The following B3GALT1 variants were observed in gnomAD, a reference collection of about 807,000 sequenced individuals.
B3GALT1 encodes beta-1,3-galactosyltransferase 1.
In B3GALT1, 10 loss-of-function variants were observed where a neutral mutation model predicts 23.2. The observed-to-expected ratio is 0.43, with a 90% CI of 0.27 to 0.73. The LOEUF (loss-of-function observed/expected upper bound fraction) is 0.73, where lower values mean the gene tolerates loss of function less well. Ranked by LOEUF, B3GALT1 falls within the 30% of genes least tolerant of loss-of-function variation. The probability of loss-of-function intolerance (pLI) is 0.21; values close to 1 mark genes in which losing one functional copy is unlikely to be tolerated. For missense variants in B3GALT1, 299 were observed against 405.4 expected, an observed-to-expected ratio of 0.74 and a Z score of 2.25; for synonymous variants, 156 against 141.5, an observed-to-expected ratio of 1.10 and a Z score of -0.73.
intron 1 of B3GALT1, among the ~76,000 whole-genome samples, chr2:167,421,809 A>G (rs1698550122): frequency 6.6e-6 from 1 of 152,252 alleles, no homozygotes; most frequent in South Asian, 2.1e-4. Flanking sequence ...AAATAAAAAC[A>G]GCTTGACCAT....
At chr2:167,772,186 G>A (rs1306036550) in intron 3 of B3GALT1, among the ~76,000 whole-genome samples, 1 of 152,140 alleles carries the variant, frequency 6.6e-6, no homozygotes, top group Non-Finnish European at 1.5e-5. Context: ...AAATTAGTTA[G>A]CACAGAAGCA....
intron 2 of B3GALT1, among the ~76,000 whole-genome samples, chr2:167,588,170 A>G (rs147022433): frequency 2.0e-5 from 3 of 152,318 alleles, no homozygotes; most frequent in South Asian, 2.1e-4. Context: ...GCTCAGGACT[A>G]TGCCTTTTAT....
chr2:167,651,264 G>T (rs1038383436), intron 3 of B3GALT1, among the ~76,000 whole-genome samples: 4 of 11,028 alleles, frequency 3.6e-4, no homozygotes, highest in African/African-American at 4.9e-4. Context: ...GTGTGTGTGT[G>T]TGTGTGTGCG....
chr2:167,458,390 G>A (rs544313492), intron 1 of B3GALT1, among the ~76,000 whole-genome samples: 1 of 152,274 alleles, frequency 6.6e-6, no homozygotes, highest in South Asian at 2.1e-4. Flanking sequence ...CTATGTTTTA[G>A]CTATTGTGAA....
intron 2 of B3GALT1, among the ~76,000 whole-genome samples, chr2:167,525,027 T>C (rs750923540): frequency 2.0e-5 from 3 of 152,234 alleles, no homozygotes; most frequent in Non-Finnish European, 2.9e-5. Flanking sequence ...GCACATGCCA[T>C]TTCCCATATA....
At chr2:167,649,240 T>C (rs1486666606) in intron 3 of B3GALT1, among the ~76,000 whole-genome samples, 1 of 152,128 alleles carries the variant, frequency 6.6e-6, no homozygotes, top group East Asian at 1.9e-4. Flanking sequence ...GCATTCACTC[T>C]AATTCATGCA....
chr2:167,442,435 A>G (rs1698909858), intron 1 of B3GALT1, among the ~76,000 whole-genome samples: 1 of 152,002 alleles, frequency 6.6e-6, no homozygotes, highest in Non-Finnish European at 1.5e-5. Context: ...CTAGTTCTAG[A>G]TCCCTGAGGA....
At chr2:167,794,542 C>T (rs540179776) in intron 3 of B3GALT1, among the ~76,000 whole-genome samples, 1 of 152,292 alleles carries the variant, frequency 6.6e-6, no homozygotes, top group South Asian at 2.1e-4. Flanking sequence ...ATCCTGACTC[C>T]TCCCTAGCCA....
chr2:167,494,219 A>G (rs1293625457), intron 2 of B3GALT1, among the ~76,000 whole-genome samples: 2 of 152,132 alleles, frequency 1.3e-5, no homozygotes, highest in Admixed American at 6.5e-5. Flanking sequence ...GAAGTGTATA[A>G]TTTTAAAATA....
At chr2:167,321,871 G>C (rs1489903096) in intron 1 of B3GALT1, among the ~76,000 whole-genome samples, 1 of 151,916 alleles carries the variant, frequency 6.6e-6, no homozygotes, top group Non-Finnish European at 1.5e-5. Flanking sequence ...TCACTCCTCA[G>C]ACAATTTGTA....
At chr2:167,828,429 A>G (rs1476441203) in intron 4 of B3GALT1, among the ~76,000 whole-genome samples, 2 of 152,208 alleles carry the variant, frequency 1.3e-5, no homozygotes, top group Non-Finnish European at 2.9e-5. Context: ...ATGGTCAGAA[A>G]TATGATTGGC....
chr2:167,810,591 T>A lies in B3GALT1; in HGVS notation c.-351-8081T>A, dbSNP rs55759826. On this transcript the variant is annotated intron_variant, in intron 3 of 4. Coordinates refer to ENST00000392690, the MANE Select transcript of B3GALT1 (RefSeq NM_020981.4). Reference sequence around the variant, plus strand: ...CAACAGGAATCTTAATATAAATTTTTACTCCAACATTGACCATTCCAGCCA... The same window carrying A: ...CAACAGGAATCTTAATATAAATTTTAACTCCAACATTGACCATTCCAGCCA... Among the ~76,000 whole-genome samples, 14 of 150,902 alleles carry A rather than the reference T, an allele frequency of 9.3e-5. 1 individual carries two copies. Among genetic ancestry groups the A allele is most frequent in the African/African-American group, 3.5e-4 (14 of 40,222 alleles).
chr2:167,459,229 T>C (rs1699219503), intron 1 of B3GALT1, among the ~76,000 whole-genome samples: 1 of 152,202 alleles, frequency 6.6e-6, no homozygotes, highest in Non-Finnish European at 1.5e-5. Context: ...AGTTGATTTT[T>C]TGTAGTGAAG....
intron 3 of B3GALT1, among the ~76,000 whole-genome samples, chr2:167,688,584 AT>A (rs569821780): frequency 5.3e-4 from 80 of 152,236 alleles, no homozygotes; most frequent in African/African-American, 1.8e-3. Flanking sequence ...AGGTGGAGCA[AT>A]AAAAGTTACT....
chr2:167,516,836 TTG>T (rs2105358446), intron 2 of B3GALT1, among the ~76,000 whole-genome samples: 1 of 152,034 alleles, frequency 6.6e-6, no homozygotes, highest in South Asian at 2.1e-4. Flanking sequence ...TAGCATTCCT[TTG>T]TCTCTCTTTA....
At chr2:167,818,069 A>G (rs1558989735) in intron 3 of B3GALT1, among the ~76,000 whole-genome samples, 1 of 152,188 alleles carries the variant, frequency 6.6e-6, no homozygotes, top group Admixed American at 6.5e-5. Flanking sequence ...GAAAGTTAAG[A>G]TGTTGCAGAA....
intron 4 of B3GALT1, among the ~76,000 whole-genome samples, chr2:167,858,870 T>C (rs1204653045): frequency 6.6e-6 from 1 of 152,174 alleles, no homozygotes; most frequent in East Asian, 1.9e-4. Flanking sequence ...CTTTGAAATA[T>C]GATCTAAAAT....
chr2:167,336,665 GT>G (rs1273613258), intron 1 of B3GALT1, among the ~76,000 whole-genome samples: 2 of 151,888 alleles, frequency 1.3e-5, no homozygotes, highest in African/African-American at 4.8e-5. Flanking sequence ...TTCCCATTTT[GT>G]TGTTTCTTAG....
intron 2 of B3GALT1, among the ~76,000 whole-genome samples, chr2:167,603,084 A>C (rs1281882176): frequency 1.3e-5 from 2 of 152,208 alleles, no homozygotes; most frequent in East Asian, 3.9e-4. Context: ...CAGGGATTGC[A>C]CACAAGTGTA....
Sources: allele counts gnomAD v4.1 joint callset (sites outside exome capture counted in the v4.1 genomes callset), GRCh38; gene constraint gnomAD v4.1.1; transcripts MANE v1.5; gene names NCBI Gene and HGNC (gene_info 2026-07-23, HGNC 2026-07-21).